Variants in OTUD7B observed in about 807,000 individuals in gnomAD.
The protein encoded by OTUD7B is OTU domain-containing protein 7B.
A neutral mutation model predicts 82.2 loss-of-function variants in OTUD7B; 34 were observed. The ratio of observed to expected loss-of-function variants is 0.41; its 90% CI spans 0.31 to 0.55. The LOEUF (loss-of-function observed/expected upper bound fraction) is 0.55. Ranked by LOEUF, OTUD7B falls within the 20% of genes least tolerant of loss-of-function variation. The pLI is 0.20. For synonymous variants in OTUD7B, 398 were observed against 402.7 expected, an observed-to-expected ratio of 0.99 and a Z score of 0.14; for missense variants, 944 against 1,062.1, an observed-to-expected ratio of 0.89 and a Z score of 1.55.
upstream of OTUD7B, among the ~76,000 whole-genome samples, chr1:150,013,947 T>C (rs6675723): frequency 4.8e-3 from 500 of 104,354 alleles, 17 homozygotes; most frequent in African/African-American, 0.015. Context: ...AATATATATA[T>C]ACACACACAC....
the OTUD7B span, among the ~76,000 whole-genome samples, chr1:150,063,179 T>C: frequency 6.6e-6 from 1 of 152,104 alleles, no homozygotes. Flanking sequence ...AGGCTAGGCA[T>C]GGTGGCTCAT....
At chr1:149,947,224 C>T (rs373596343) in intron 11 of OTUD7B, 27 bp downstream of exon 11, 311 of 1,304,236 alleles carry the variant, frequency 2.4e-4, no homozygotes, top group Non-Finnish European at 3.4e-4. Flanking sequence ...GAAGACACAC[C>T]AGGGTAGATG....
rs2092755352 is a variant in OTUD7B at position 149,940,684 on chromosome 1, T to A, written c.*3173A>T. On this transcript the variant is annotated 3_prime_UTR_variant, in exon 12 of 12. Coordinates refer to ENST00000581312, the MANE Select transcript of OTUD7B (RefSeq NM_020205.4). The stretch of plus-strand genomic sequence containing the variant: ...TAAAGGGTCTACCTTCCCCCTTCAC[T>A]CACACACCCCTCCTTAACTAAGGAA... 1 of 152,026 alleles carries A rather than the reference T, an allele frequency of 6.6e-6. No individual in the cohort carries two copies. The highest frequency in any genetic ancestry group is 1.5e-5 in the Non-Finnish European group (1 of 68,008). The allele number at this position is 152,026 out of a possible 1,614,324, so 9.4% of individuals were successfully genotyped here.
At chr1:150,013,930 AAAAAAT>A (rs1653178745), upstream of OTUD7B, among the ~76,000 whole-genome samples, 2 of 2,956 alleles carry the variant, frequency 6.8e-4, no homozygotes, top group Non-Finnish European at 6.0e-3. Flanking sequence ...CAAAAAAAAA[AAAAAAT>A]AATATATATA....
At chr1:149,948,691 C>A (rs72692825) in intron 10 of OTUD7B, among the ~76,000 whole-genome samples, 4,204 of 152,080 alleles carry the variant, frequency 0.028, 81 homozygotes, top group Non-Finnish European at 0.045. Context: ...ATTTTCTGAT[C>A]AATGTTTTAG....
chr1:149,965,488 CTA>C (rs1649466063), intron 5 of OTUD7B, among the ~76,000 whole-genome samples: 2 of 152,184 alleles, frequency 1.3e-5, no homozygotes, highest in Admixed American at 1.3e-4. Flanking sequence ...ACACATCTAG[CTA>C]TACACTGCTG....
At chr1:150,017,293 T>C in the OTUD7B span, among the ~76,000 whole-genome samples, 1 of 152,130 alleles carries the variant, frequency 6.6e-6, no homozygotes, top group African/African-American at 2.4e-5. Context: ...CAGCTCCCAA[T>C]TATTGCAAGT....
chr1:149,944,014 A>G lies in OTUD7B; in HGVS notation c.2375T>C (p.Leu792Pro). ...GGTCTGAGTTGGGGGAAGGCCCCGGAGACCTCCAGCCCATCCATCTGGCTC... is the reference window on the plus strand; with the variant it reads ...GGTCTGAGTTGGGGGAAGGCCCCGGGGACCTCCAGCCCATCCATCTGGCTC... The part of the protein sequence containing the change: ...PPEPDGWAGG[L>P]RGLPPTQTKC... Residue 792 changes from leucine to proline, a missense_variant, in exon 12 of 12, where the codon CTC becomes CCC. By Grantham distance (98) the Leu-to-Pro change is moderately conservative (BLOSUM62 -3). This residue lies in a region of OTUD7B where 412 missense variants were observed against 418.7 expected (regional missense o/e 0.98). Coordinates refer to ENST00000581312, the MANE Select transcript of OTUD7B (RefSeq NM_020205.4). 6.2e-7 allele frequency: 1 copy of G among 1,614,226 alleles called. No individual in the cohort carries two copies. The highest frequency in any genetic ancestry group is 8.5e-7 in the Non-Finnish European group (1 of 1,180,040).
intron 1 of OTUD7B, among the ~76,000 whole-genome samples, chr1:149,988,386 G>A (rs1400138022): frequency 6.6e-6 from 1 of 152,014 alleles, no homozygotes; most frequent in Non-Finnish European, 1.5e-5. Flanking sequence ...TTCTAGTTTT[G>A]TATCAGGCCT....
the OTUD7B span, among the ~76,000 whole-genome samples, chr1:150,061,903 C>T: frequency 6.6e-6 from 1 of 152,230 alleles, no homozygotes; most frequent in African/African-American, 2.4e-5. Flanking sequence ...CAGCCACCTA[C>T]ATACTCCTTC....
At chr1:150,006,725 C>T (rs1553786192) in intron 1 of OTUD7B, among the ~76,000 whole-genome samples, 1 of 152,158 alleles carries the variant, frequency 6.6e-6, no homozygotes, top group East Asian at 1.9e-4. Flanking sequence ...TGAGGAGAAT[C>T]CGGCCATAGT....
chr1:149,991,343 A>G (rs1651555899), intron 1 of OTUD7B, among the ~76,000 whole-genome samples: 2 of 152,132 alleles, frequency 1.3e-5, no homozygotes, highest in Admixed American at 6.5e-5. Flanking sequence ...TACCTTTTAT[A>G]ATAATAATTT....
intron 3 of OTUD7B, among the ~76,000 whole-genome samples, chr1:149,968,365 A>C (rs1299850890): frequency 1.3e-5 from 2 of 152,092 alleles, no homozygotes; most frequent in African/African-American, 4.8e-5. Flanking sequence ...AACTACTCTC[A>C]ATACCCATAT....
chr1:149,996,698 T>C (rs148132132), intron 1 of OTUD7B, among the ~76,000 whole-genome samples: 1 of 152,218 alleles, frequency 6.6e-6, no homozygotes, highest in Admixed American at 6.5e-5. Context: ...ATCTATTTTA[T>C]GGCATTGCTA....
At chr1:150,067,341 T>C in the OTUD7B span, 1 of 153,506 alleles carries the variant, frequency 6.5e-6, no homozygotes, top group African/African-American at 2.4e-5. Flanking sequence ...GTGTGATTTA[T>C]TAAATGCCGT....
chr1:150,031,812 AGCT>A, the OTUD7B span, among the ~76,000 whole-genome samples: 1 of 152,218 alleles, frequency 6.6e-6, no homozygotes, highest in Non-Finnish European at 1.5e-5. Context: ...GAATTAAATG[AGCT>A]AACATATGTG....
chr1:150,010,119 A>C (rs868945209), intron 1 of OTUD7B, among the ~76,000 whole-genome samples: 1 of 152,220 alleles, frequency 6.6e-6, no homozygotes. Flanking sequence ...CATCTTAATC[A>C]CCTTAAAACT....
intron 1 of OTUD7B, among the ~76,000 whole-genome samples, chr1:149,984,520 G>A (rs369864791): frequency 3.2e-4 from 49 of 152,226 alleles, no homozygotes; most frequent in East Asian, 1.4e-3. Flanking sequence ...TTCTGTGACT[G>A]AACCAAACTT....
chr1:149,995,221 T>C (rs782259318), intron 1 of OTUD7B, among the ~76,000 whole-genome samples: 1 of 152,220 alleles, frequency 6.6e-6, no homozygotes, highest in Non-Finnish European at 1.5e-5. Flanking sequence ...TCATCAACTA[T>C]GCCCAGATAC....
Sources: allele counts gnomAD v4.1 joint callset (sites outside exome capture counted in the v4.1 genomes callset), GRCh38; gene constraint gnomAD v4.1.1; regional missense constraint gnomAD v4.1.1; transcripts MANE v1.5; gene names NCBI Gene and HGNC (gene_info 2026-07-23, HGNC 2026-07-21).